Variants in DNAH7 observed in about 807,000 individuals in gnomAD.
DNAH7 encodes the protein axonemal beta dynein heavy chain 7.
In DNAH7, 397 loss-of-function variants were observed where a neutral mutation model predicts 444.6. The ratio of observed to expected loss-of-function variants is 0.89; its 90% CI spans 0.82 to 0.97. DNAH7 has a LOEUF of 0.97. Ranked by LOEUF, DNAH7 falls within the 50% of genes least tolerant of loss-of-function variation. The probability of loss-of-function intolerance (pLI) is 0.00; values close to 1 mark genes in which losing one functional copy is unlikely to be tolerated. For missense variants in DNAH7, 4,902 were observed against 4,800.8 expected (o/e 1.02, Z -0.62); for synonymous variants, 1,636 against 1,624.4 (o/e 1.01, Z -0.17).
chr2:195,954,070 A>C (rs1164621777), intron 19 of DNAH7, among the ~76,000 whole-genome samples: 1 of 152,170 alleles, frequency 6.6e-6, no homozygotes, highest in Admixed American at 6.5e-5. Flanking sequence ...GTACATGTGC[A>C]CAACATGCAG....
chr2:195,908,191 G>A (rs569928634), intron 25 of DNAH7, among the ~76,000 whole-genome samples: 3 of 152,148 alleles, frequency 2.0e-5, no homozygotes, highest in East Asian at 1.9e-4. Context: ...CAAACTGCAT[G>A]TAGAATTCTT....
At chr2:195,810,104 C>T (rs1317054407) in intron 51 of DNAH7, among the ~76,000 whole-genome samples, 1 of 151,384 alleles carries the variant, frequency 6.6e-6, no homozygotes, top group Admixed American at 6.6e-5. Context: ...ACTTAATCTT[C>T]CTCTTGGAAA....
At chr2:195,896,585 C>T (rs1702331990) in intron 29 of DNAH7, among the ~76,000 whole-genome samples, 1 of 152,130 alleles carries the variant, frequency 6.6e-6, no homozygotes, top group South Asian at 2.1e-4. Context: ...CACTCCTCAC[C>T]TCCACTTGAG....
chr2:196,003,364 T>C (rs1163265832), intron 10 of DNAH7, among the ~76,000 whole-genome samples: 1 of 152,152 alleles, frequency 6.6e-6, no homozygotes, highest in Non-Finnish European at 1.5e-5. Flanking sequence ...AGTTTAGGTC[T>C]GCAGAACTGG....
At chr2:195,745,660 G>A (rs1229653790) in intron 63 of DNAH7, among the ~76,000 whole-genome samples, 2 of 152,198 alleles carry the variant, frequency 1.3e-5, no homozygotes, top group Admixed American at 6.5e-5. Flanking sequence ...AGATCTCTGG[G>A]CAGAAACTCT....
At chr2:195,933,814 G>A (rs1036755811) in intron 21 of DNAH7, among the ~76,000 whole-genome samples, 3 of 151,756 alleles carry the variant, frequency 2.0e-5, no homozygotes, top group African/African-American at 7.3e-5. Flanking sequence ...ACAAGTTAAT[G>A]GGTGCAGCAC....
At chr2:196,016,735 G>A (rs1329114884) in intron 9 of DNAH7, among the ~76,000 whole-genome samples, 1 of 152,082 alleles carries the variant, frequency 6.6e-6, no homozygotes, top group Non-Finnish European at 1.5e-5. Flanking sequence ...GAAAAGAGGG[G>A]AGGAAAAAAT....
chr2:195,989,206 T>C (rs1693133691), intron 12 of DNAH7, among the ~76,000 whole-genome samples: 1 of 152,178 alleles, frequency 6.6e-6, no homozygotes, highest in Admixed American at 6.5e-5. Flanking sequence ...ATATACCCAA[T>C]AGTGGGATTG....
chr2:195,854,535 C>G (rs1458206383), intron 45 of DNAH7, among the ~76,000 whole-genome samples: 1 of 152,004 alleles, frequency 6.6e-6, no homozygotes, highest in South Asian at 2.1e-4. Context: ...ATTTTTTTCC[C>G]TTTTAATGTT....
At chr2:195,925,405 A>T (rs1246705205) in intron 22 of DNAH7, among the ~76,000 whole-genome samples, 1 of 152,146 alleles carries the variant, frequency 6.6e-6, no homozygotes, top group Non-Finnish European at 1.5e-5. Flanking sequence ...CTCTGGACTC[A>T]CTGAGGAAAA....
intron 1 of DNAH7, among the ~76,000 whole-genome samples, chr2:196,065,366 G>A (rs1019077616): frequency 6.6e-6 from 1 of 152,152 alleles, no homozygotes; most frequent in Non-Finnish European, 1.5e-5. Flanking sequence ...TATTTTAAAT[G>A]AAAAATTCAT....
chr2:195,778,455 TG>T (rs1441604767), intron 58 of DNAH7, among the ~76,000 whole-genome samples: 1 of 145,988 alleles, frequency 6.8e-6, no homozygotes, highest in African/African-American at 2.6e-5. Flanking sequence ...CTGGGCAACA[TG>T]GGGAGACCCT....
chr2:195,771,892 TATG>T lies in DNAH7; in HGVS notation c.11203-5_11203-3del, dbSNP rs775558117. ...TGCACCAGCACCTGCTGAACGAGAC[TATG>T]AAGAATCCAAACTATAACTCAAAAA... On this transcript the variant is annotated splice_region_variant and splice_polypyrimidine_tract_variant and intron_variant, in intron 60 of 64. Transcript: ENST00000312428. The T allele has an allele frequency of 2.0e-5, 33 of 1,613,544 alleles. No individual in the cohort carries two copies. The highest frequency in any genetic ancestry group is 2.6e-5 in the Non-Finnish European group (31 of 1,179,536).
chr2:195,989,047 T>C (rs1693117025), intron 12 of DNAH7, among the ~76,000 whole-genome samples: 1 of 152,236 alleles, frequency 6.6e-6, no homozygotes, highest in Admixed American at 6.5e-5. Flanking sequence ...TGTATTCCAC[T>C]GTGTATATAT....
chr2:196,015,080 C>G (rs1295024509), intron 9 of DNAH7, among the ~76,000 whole-genome samples: 1 of 152,014 alleles, frequency 6.6e-6, no homozygotes, highest in Non-Finnish European at 1.5e-5. Context: ...CACTACTTAT[C>G]CAAAAGTGAA....
At chr2:195,913,251 T>TA (rs1687464911) in intron 24 of DNAH7, among the ~76,000 whole-genome samples, 1 of 152,140 alleles carries the variant, frequency 6.6e-6, no homozygotes, top group African/African-American at 2.4e-5. Flanking sequence ...AACCTGGAGT[T>TA]AAAGTAGTTA....
At chr2:195,776,552 T>C (rs1574414200) in intron 59 of DNAH7, among the ~76,000 whole-genome samples, 2 of 152,190 alleles carry the variant, frequency 1.3e-5, no homozygotes, top group East Asian at 3.8e-4. Context: ...TCCTGGTAAC[T>C]TCATTTAGAA....
At chr2:195,798,847 G>A (rs1426069903) in intron 55 of DNAH7, among the ~76,000 whole-genome samples, 1 of 151,940 alleles carries the variant, frequency 6.6e-6, no homozygotes, top group Non-Finnish European at 1.5e-5. Flanking sequence ...TGCCTGGCCA[G>A]AACATATTTT....
chr2:195,887,717 T>G (rs1333705062), intron 33 of DNAH7, among the ~76,000 whole-genome samples: 1 of 152,182 alleles, frequency 6.6e-6, no homozygotes, highest in East Asian at 1.9e-4. Context: ...ACATTCTTGC[T>G]CTGTAATTTC....
Sources: allele counts gnomAD v4.1 joint callset (sites outside exome capture counted in the v4.1 genomes callset), GRCh38; gene constraint gnomAD v4.1.1; transcripts MANE v1.5; gene names NCBI Gene and HGNC (gene_info 2026-07-23, HGNC 2026-07-21).